L3MBTL4: variants seen among roughly 807,000 people sequenced by gnomAD.
L3MBTL4 encodes the protein lethal(3)malignant brain tumor-like protein 4.
In L3MBTL4, 70 loss-of-function variants were observed where a neutral mutation model predicts 84.5. The observed-to-expected ratio is 0.83, with a 90% CI of 0.68 to 1.01. The LOEUF (loss-of-function observed/expected upper bound fraction) is 1.01. L3MBTL4 is among the 50% of genes least tolerant of loss of function. The pLI is 0.00. For missense variants in L3MBTL4, 715 were observed against 754.8 expected, an observed-to-expected ratio of 0.95 and a Z score of 0.62; for synonymous variants, 274 against 259.8, an observed-to-expected ratio of 1.05 and a Z score of -0.52.
chr18:6,209,005 T>C (rs2045985552), intron 12 of L3MBTL4, among the ~76,000 whole-genome samples: 2 of 152,194 alleles, frequency 1.3e-5, no homozygotes, highest in African/African-American at 4.8e-5. Flanking sequence ...TGGATGAGGC[T>C]GCTCATGGTC....
At chr18:5,989,100 C>T (rs557976990) in intron 16 of L3MBTL4, among the ~76,000 whole-genome samples, 2 of 152,280 alleles carry the variant, frequency 1.3e-5, no homozygotes, top group Non-Finnish European at 2.9e-5. Context: ...GCTACAGGCC[C>T]CACTTCTAGG....
chr18:6,205,115 G>A (rs1378283785), intron 12 of L3MBTL4, among the ~76,000 whole-genome samples: 5 of 152,186 alleles, frequency 3.3e-5, no homozygotes, highest in South Asian at 2.1e-4. Context: ...ATCTTGAGAC[G>A]AGGGATCGTC....
intron 1 of L3MBTL4, among the ~76,000 whole-genome samples, chr18:6,353,477 C>T (rs1418390572): frequency 6.6e-6 from 1 of 152,020 alleles, no homozygotes; most frequent in Non-Finnish European, 1.5e-5. Flanking sequence ...CAGGAACACA[C>T]TCAGCAAGTT....
At chr18:6,239,186 A>G (rs1046907238) in intron 9 of L3MBTL4, among the ~76,000 whole-genome samples, 27 of 151,808 alleles carry the variant, frequency 1.8e-4, no homozygotes, top group Admixed American at 3.3e-4. Context: ...CTAAAAATAC[A>G]AAAAATTAGC....
chr18:5,970,374 G>T (rs2052582153), intron 16 of L3MBTL4, among the ~76,000 whole-genome samples: 1 of 152,224 alleles, frequency 6.6e-6, no homozygotes, highest in Non-Finnish European at 1.5e-5. Flanking sequence ...ATGCACTTCA[G>T]CCCCACACTT....
chr18:6,211,824 T>C (rs1408439816), intron 12 of L3MBTL4, among the ~76,000 whole-genome samples: 1 of 152,096 alleles, frequency 6.6e-6, no homozygotes, highest in Non-Finnish European at 1.5e-5. Flanking sequence ...AATTTTTGTA[T>C]TTTTAGTAGA....
chr18:6,131,694 A>G (rs1028168936), intron 14 of L3MBTL4, among the ~76,000 whole-genome samples: 1 of 152,198 alleles, frequency 6.6e-6, no homozygotes, highest in Non-Finnish European at 1.5e-5. Context: ...CAAAATGTAT[A>G]ATGATAACCT....
intron 4 of L3MBTL4, among the ~76,000 whole-genome samples, chr18:6,276,819 G>A (rs866035769): frequency 2.6e-5 from 4 of 152,078 alleles, no homozygotes; most frequent in African/African-American, 4.8e-5. Flanking sequence ...AGCAGTTAGC[G>A]GCTCTATAAA....
chr18:6,069,278 G>GT (rs2054950052), intron 16 of L3MBTL4, among the ~76,000 whole-genome samples: 1 of 152,184 alleles, frequency 6.6e-6, no homozygotes, highest in Admixed American at 6.5e-5. Flanking sequence ...AGGTCACATA[G>GT]TCATTTTCTC....
At chr18:6,040,067 T>C (rs897379568) in intron 16 of L3MBTL4, among the ~76,000 whole-genome samples, 18 of 152,260 alleles carry the variant, frequency 1.2e-4, no homozygotes, top group African/African-American at 4.1e-4. Flanking sequence ...GTAGGAAACA[T>C]GAGAAATTTC....
chr18:6,029,676 GC>G (rs2055685739), intron 16 of L3MBTL4: 2 of 985,234 alleles, frequency 2.0e-6, no homozygotes, highest in Non-Finnish European at 2.4e-6. Flanking sequence ...TATGGGAACA[GC>G]TTACTATGGT....
chr18:6,156,894 G>A (rs2043128420), intron 13 of L3MBTL4, among the ~76,000 whole-genome samples: 1 of 152,194 alleles, frequency 6.6e-6, no homozygotes, highest in Admixed American at 6.5e-5. Flanking sequence ...AAGCTAGAAT[G>A]AGAAAATAAT....
At chr18:6,239,134 G>A (rs1167900434) in intron 9 of L3MBTL4, among the ~76,000 whole-genome samples, 2 of 151,956 alleles carry the variant, frequency 1.3e-5, no homozygotes, top group Non-Finnish European at 2.9e-5. Context: ...GAGGTCAGGA[G>A]ATCGAGACCA....
intron 15 of L3MBTL4, among the ~76,000 whole-genome samples, chr18:6,087,731 C>G (rs1442900563): frequency 6.6e-6 from 1 of 152,164 alleles, no homozygotes; most frequent in African/African-American, 2.4e-5. Flanking sequence ...ACCGCTAGAA[C>G]TGGTCCAACT....
At chr18:6,038,045 G>T (rs1310859007) in intron 16 of L3MBTL4, among the ~76,000 whole-genome samples, 2 of 152,126 alleles carry the variant, frequency 1.3e-5, no homozygotes, top group East Asian at 3.9e-4. Context: ...AACAGGTTAA[G>T]ATAAGTGGAT....
chr18:6,029,725 A>C, intron 16 of L3MBTL4: 1 of 985,066 alleles, frequency 1.0e-6, no homozygotes, highest in Non-Finnish European at 1.2e-6. Flanking sequence ...TTAAATCATA[A>C]ATTTATTGCA....
chr18:6,162,521 C>T (rs2043392260), intron 13 of L3MBTL4, among the ~76,000 whole-genome samples: 1 of 152,144 alleles, frequency 6.6e-6, no homozygotes, highest in African/African-American at 2.4e-5. Flanking sequence ...GATCTACTTA[C>T]AAACTCTATT....
intron 16 of L3MBTL4, among the ~76,000 whole-genome samples, chr18:5,976,811 T>C (rs1184713011): frequency 6.6e-6 from 1 of 152,148 alleles, no homozygotes; most frequent in Admixed American, 6.5e-5. Context: ...AGAATGACTT[T>C]CAAAACTAGG....
At chr18:6,193,545 G>A (rs998136689) in intron 12 of L3MBTL4, among the ~76,000 whole-genome samples, 1 of 152,256 alleles carries the variant, frequency 6.6e-6, no homozygotes, top group African/African-American at 2.4e-5. Flanking sequence ...TCAGAAAAGA[G>A]GGTCCAGAGG....
Sources: gnomAD v4.1 joint callset for allele counts (sites outside exome capture counted in the v4.1 genomes callset) on GRCh38, gnomAD v4.1.1 for gene constraint, MANE v1.5 for transcripts, NCBI Gene and HGNC (gene_info 2026-07-23, HGNC 2026-07-21) for gene names.